CARMIL1: variants seen among roughly 807,000 people sequenced by gnomAD.
CARMIL1 encodes capping protein regulator and myosin 1 linker 1, also known as F-actin-uncapping protein LRRC16A.
In CARMIL1, 90 loss-of-function variants were observed where a neutral mutation model predicts 177.1. The observed-to-expected ratio is 0.51, with a 90% CI of 0.43 to 0.61. The LOEUF (loss-of-function observed/expected upper bound fraction) is 0.61, where lower values mean the gene tolerates loss of function less well. CARMIL1 is among the 20% of genes least tolerant of loss of function. The pLI, the probability that CARMIL1 is intolerant of heterozygous loss-of-function variation, is 0.00. For synonymous variants in CARMIL1, 577 were observed against 606.2 expected, an observed-to-expected ratio of 0.95 and a Z score of 0.71; for missense variants, 1,380 against 1,667.0, an observed-to-expected ratio of 0.83 and a Z score of 3.00.
chr6:25,500,323 C>G (rs892035843), intron 17 of CARMIL1, 88 bp downstream of exon 17: 2 of 1,083,494 alleles, frequency 1.8e-6, no homozygotes, highest in Admixed American at 1.9e-5. Flanking sequence ...TACTGTGATT[C>G]CACAGGGTGT....
intron 29 of CARMIL1, among the ~76,000 whole-genome samples, chr6:25,579,253 A>G (rs1190792097): frequency 2.8e-5 from 2 of 71,176 alleles, no homozygotes; most frequent in African/African-American, 1.3e-4. Context: ...TATAATCAAG[A>G]GTCAGGAAAA....
rs561849444 is a variant in CARMIL1 at position 25,434,519 on chromosome 6, T to G, written c.250-964T>G. ...CCTCTTCTTAGAAAGCTCAAAACCA[T>G]TTTTTTTTTTTTTTTTTTTTTTTTA... On this transcript the variant is annotated intron_variant, in intron 4 of 36. Transcript: ENST00000329474. Among the ~76,000 whole-genome samples, 4 of 48,990 alleles carry G rather than the reference T, an allele frequency of 8.2e-5. No individual in the cohort carries two copies. In the East Asian group the frequency reaches 2.3e-3, roughly 28 times the overall value. The allele number at this position is 48,990 out of a possible 152,430, so 32.1% of individuals were successfully genotyped here. A position where few individuals can be genotyped will look rare whatever the true frequency, so the allele number is the denominator to read the frequency against.
In CARMIL1 at chr6:25,475,759, G is replaced by T. The variant is rs1801517665; in HGVS notation, c.874+3238G>T. 2.0e-5 allele frequency among the ~76,000 whole-genome samples: 3 copies of T among 152,276 alleles called. No homozygotes were observed. The East Asian group carries it at 5.8e-4, about 29-fold the overall frequency. On this transcript the variant is annotated intron_variant, in intron 11 of 36. Coordinates refer to ENST00000329474, the MANE Select transcript of CARMIL1 (RefSeq NM_017640.6). ...ATGGAAGAGGAAGAATGAATTTGAGGCCCTTTGTTTTCTCTCCCGTTGTCC... is the reference window on the plus strand; with the variant it reads ...ATGGAAGAGGAAGAATGAATTTGAGTCCCTTTGTTTTCTCTCCCGTTGTCC...
At chr6:25,594,923 G>T (rs1443539010) in intron 32 of CARMIL1, among the ~76,000 whole-genome samples, 2 of 152,144 alleles carry the variant, frequency 1.3e-5, no homozygotes, top group East Asian at 1.9e-4. Flanking sequence ...AATGATCATG[G>T]TTATGCTGGA....
chr6:25,286,646 T>C lies in CARMIL1; in HGVS notation c.138+1737T>C, dbSNP rs185282961. Among the ~76,000 whole-genome samples, 182 of 152,290 alleles carry C rather than the reference T, an allele frequency of 1.2e-3. 1 individual carries two copies. The highest frequency in any genetic ancestry group is 4.6e-3 in the Admixed American group (71 of 15,292). On this transcript the variant is annotated intron_variant, in intron 2 of 36. Coordinates refer to ENST00000329474, the MANE Select transcript of CARMIL1 (RefSeq NM_017640.6). Reference sequence around the variant, plus strand: ...AATTTAAAGTAAGTTTTTAATAATGTAGTAACTTTATAAGATGAATCAACT... The same window carrying C: ...AATTTAAAGTAAGTTTTTAATAATGCAGTAACTTTATAAGATGAATCAACT...
chr6:25,505,317 ATG>A (rs1804804917), intron 17 of CARMIL1, among the ~76,000 whole-genome samples: 1 of 152,154 alleles, frequency 6.6e-6, no homozygotes, highest in African/African-American at 2.4e-5. Flanking sequence ...GTTCAGAGAA[ATG>A]TGTGTGTTCC....
At chr6:25,293,140 A>G (rs566217859) in intron 2 of CARMIL1, among the ~76,000 whole-genome samples, 2 of 151,542 alleles carry the variant, frequency 1.3e-5, no homozygotes, top group Admixed American at 6.6e-5. Context: ...GGATTGGTAT[A>G]TATGGGGTAT....
At chr6:25,364,112 T>TA (rs1789514151) in intron 2 of CARMIL1, among the ~76,000 whole-genome samples, 17 of 149,488 alleles carry the variant, frequency 1.1e-4, no homozygotes, top group African/African-American at 2.5e-4. Context: ...TACCCATAAT[T>TA]TAAAAAAAAA....
At chr6:25,549,979 T>C (rs978118987) in intron 26 of CARMIL1, among the ~76,000 whole-genome samples, 5 of 152,170 alleles carry the variant, frequency 3.3e-5, no homozygotes, top group African/African-American at 1.2e-4. Flanking sequence ...GGTGAGAACG[T>C]TTTTATTGTC....
intron 34 of CARMIL1, 96 bp downstream of exon 34, chr6:25,604,989 G>A: frequency 1.1e-6 from 1 of 922,014 alleles, no homozygotes. Context: ...AAACAGGGAG[G>A]CAAGAACTGA....
intron 8 of CARMIL1, among the ~76,000 whole-genome samples, chr6:25,451,488 T>C (rs888389834): frequency 1.3e-5 from 2 of 152,202 alleles, no homozygotes; most frequent in Admixed American, 1.3e-4. Flanking sequence ...GTGATAGTGA[T>C]AATAAAGTCA....
chr6:25,429,216 T>C (rs1349184869), intron 4 of CARMIL1, among the ~76,000 whole-genome samples: 9 of 152,182 alleles, frequency 5.9e-5, no homozygotes, highest in African/African-American at 2.2e-4. Flanking sequence ...CTTCTTACCA[T>C]GAAAACAGTA....
intron 32 of CARMIL1, among the ~76,000 whole-genome samples, chr6:25,596,992 G>C (rs2151298311): frequency 6.6e-6 from 1 of 152,208 alleles, no homozygotes; most frequent in Non-Finnish European, 1.5e-5. Context: ...TTATGAGTGG[G>C]TAATTTATAA....
chr6:25,509,027 G>C lies in CARMIL1; in HGVS notation c.1396-629G>C, dbSNP rs1033601040. Among the ~76,000 whole-genome samples, 2 of 152,066 alleles carry C rather than the reference G, an allele frequency of 1.3e-5. No homozygotes were observed. Among genetic ancestry groups the C allele is most frequent in the African/African-American group, 4.8e-5 (2 of 41,398 alleles). On this transcript the variant is annotated intron_variant, in intron 17 of 36. Transcript: ENST00000329474. The surrounding 1 kb of genome is among the most constrained non-coding windows in gnomAD (Gnocchi z 4.1). ...AGAATAATCATTTGCACTTAGTTTT[G>C]CTCTAAAACAATCATGATAATAATA...
chr6:25,428,339 G>A (rs1487137610), intron 4 of CARMIL1, among the ~76,000 whole-genome samples: 1 of 151,876 alleles, frequency 6.6e-6, no homozygotes, highest in African/African-American at 2.4e-5. Flanking sequence ...TCTGTAGTCC[G>A]TTTAAGTGTG....
intron 8 of CARMIL1, among the ~76,000 whole-genome samples, chr6:25,459,544 AC>A (rs963509864): frequency 1.3e-5 from 2 of 151,772 alleles, no homozygotes; most frequent in African/African-American, 4.8e-5. Flanking sequence ...GAGTCACCAT[AC>A]CTGACCTGGA....
Position 25,619,481 on chromosome 6 carries a change from G to A in CARMIL1, c.4014G>A (p.Glu1338=). 1.2e-6 allele frequency: 2 copies of A among 1,613,834 alleles called. No homozygotes were observed. Among genetic ancestry groups the A allele is most frequent in the Non-Finnish European group, 1.7e-6 (2 of 1,179,834 alleles). ...SRRSWGQQAQ[E]YQEQKQRSSS... ...GAAGCTGGGGCCAGCAGGCCCAGGA[G>A]TATCAAGAACAAAAGCAACGGTCCT... The change falls in exon 37 of 37, where the codon GAG becomes GAA. Residue 1338 remains glutamate (E), a synonymous_variant. Coordinates refer to ENST00000329474, the MANE Select transcript of CARMIL1 (RefSeq NM_017640.6).
intron 2 of CARMIL1, among the ~76,000 whole-genome samples, chr6:25,310,505 G>A (rs1329976431): frequency 6.6e-6 from 1 of 152,206 alleles, no homozygotes; most frequent in Non-Finnish European, 1.5e-5. Flanking sequence ...GTAAGGGTAA[G>A]TATTGTTGCA....
At chr6:25,405,898 G>A (rs1010619392) in intron 2 of CARMIL1, among the ~76,000 whole-genome samples, 5 of 152,188 alleles carry the variant, frequency 3.3e-5, no homozygotes, top group Non-Finnish European at 7.3e-5. Flanking sequence ...TTCACAGACC[G>A]TAGCAACTTT....
Sources: gnomAD v4.1 joint callset for allele counts (sites outside exome capture counted in the v4.1 genomes callset) on GRCh38, gnomAD v4.1.1 for gene constraint, Gnocchi (gnomAD v3.1) non-coding constraint, MANE v1.5 for transcripts, NCBI Gene and HGNC (gene_info 2026-07-23, HGNC 2026-07-21) for gene names.